The following FADS2 variants were observed in gnomAD, a reference collection of about 807,000 sequenced individuals.
FADS2 encodes acyl-CoA 6-desaturase.
In FADS2, 18 loss-of-function variants were observed where a neutral mutation model predicts 61.2. The observed-to-expected ratio is 0.29, with a 90% CI of 0.20 to 0.44. The LOEUF is 0.44. Among genes scored for constraint, FADS2 ranks in the 20% least tolerant of loss-of-function variants. The pLI is 1.00. For missense variants in FADS2, 322 were observed against 572.7 expected, an observed-to-expected ratio of 0.56 and a Z score of 4.47; for synonymous variants, 203 against 223.9, an observed-to-expected ratio of 0.91 and a Z score of 0.83.
chr11:61,818,746 G>C (rs957332179), intron 1 of FADS2, among the ~76,000 whole-genome samples: 2 of 152,228 alleles, frequency 1.3e-5, no homozygotes, highest in African/African-American at 4.8e-5. Flanking sequence ...TAACAGAAGA[G>C]AGGTCCTTTA....
At position 61,840,452 on chromosome 11, in the gene FADS2, T is replaced by C. The variant is rs2067209351; in HGVS notation, c.437T>C (p.Ile146Thr). ...GCCCACATCATCGCCCTGGAGAGCA[T>C]TGCATGGTTCACTGTCTTTTACTTT... is the stretch of plus-strand genomic sequence containing the variant. ...LLAHIIALES[I>T]AWFTVFYFGN... is the part of the protein sequence containing the mutation. The change falls in exon 3 of 12, where the codon ATT (isoleucine) becomes ACT (threonine). Residue 146 changes from isoleucine (I) to threonine (T), a missense_variant. Ile to Thr is a moderately conservative substitution (Grantham distance 89, BLOSUM62 -1). Around this residue, in one of 3 missense-constraint regions of FADS2, gnomAD observed 221 missense variants for 427.9 expected, o/e 0.52. Transcript: ENST00000278840. 1.2e-6 allele frequency: 2 copies of C among 1,614,184 alleles called. No individual in the cohort carries two copies. Among genetic ancestry groups the C allele is most frequent in the East Asian group, 2.2e-5 (1 of 44,886 alleles).
At chr11:61,834,987 C>G (rs1470787105) in intron 1 of FADS2, among the ~76,000 whole-genome samples, 1 of 113,436 alleles carries the variant, frequency 8.8e-6, no homozygotes, top group Non-Finnish European at 1.9e-5. Flanking sequence ...GCCTGCCCCC[C>G]CACCCCAGCC....
intron 6 of FADS2, 29 bp downstream of exon 6, chr11:61,857,100 T>G (rs750521436): frequency 1.9e-6 from 3 of 1,595,652 alleles, no homozygotes; most frequent in Non-Finnish European, 2.6e-6. Flanking sequence ...GAAATCACTC[T>G]GGGACCCTCC....
At chr11:61,820,604 A>C (rs1045483160) in intron 1 of FADS2, among the ~76,000 whole-genome samples, 1 of 152,058 alleles carries the variant, frequency 6.6e-6, no homozygotes, top group African/African-American at 2.4e-5. Flanking sequence ...AATCCCACAT[A>C]AATTTGCTGA....
rs1403263930 is a variant in FADS2 at position 61,865,072 on chromosome 11, T to G, written c.1158-80T>G. ...GGGTCTCTGAGGGCCCCAGCCAGCC[T>G]CTGCCCAGGTGGTGGGAGGAAGCGG... On this transcript the variant is annotated intron_variant, in intron 10 of 11. Coordinates refer to ENST00000278840, the MANE Select transcript of FADS2 (RefSeq NM_004265.4). This position sits in a 1 kb window ranked among gnomAD's most constrained non-coding sequence, Gnocchi z 4.1. The G allele has an allele frequency of 5.9e-6, 9 of 1,531,346 alleles. No homozygotes were observed. The Admixed American group carries it at 1.6e-4, about 27-fold the overall frequency. 94.9% of individuals were successfully genotyped at this position (1,531,346 alleles called of 1,614,324 possible). A position where few individuals can be genotyped will look rare whatever the true frequency, so the allele number is the denominator to read the frequency against.
In FADS2 at chr11:61,816,590, G is replaced by T. The variant is rs761717618; in HGVS notation, c.141+164G>T. 1.2e-6 allele frequency: 2 copies of T among 1,609,486 alleles called. No homozygotes were observed. The highest frequency in any genetic ancestry group is 2.2e-5 in the East Asian group (1 of 44,696). ...TGCCCGGCGTAGTGGCTGATGACCC[G>T]GGAGCCCCCTGGATGCCGGCGGGTG... On this transcript the variant is annotated intron_variant, in intron 1 of 11. Coordinates refer to the FADS2 transcript ENST00000257261. This position sits in a 1 kb window ranked among gnomAD's most constrained non-coding sequence, Gnocchi z 7.0.
chr11:61,834,348 G>T (rs912677496), intron 1 of FADS2, among the ~76,000 whole-genome samples: 1 of 152,246 alleles, frequency 6.6e-6, no homozygotes. Context: ...ATTTGATCCT[G>T]GCTCTGCCAC....
In FADS2 at chr11:61,840,608, G is replaced by A. The variant is rs368344765; in HGVS notation, c.517-16G>A. ...TTGCTGAGGCTGTGACAGCACGTGT[G>A]ACCCTCTCTCCCCAGGCCCAAGCTG... On this transcript the variant is annotated splice_polypyrimidine_tract_variant and intron_variant, in intron 3 of 11. Coordinates refer to ENST00000278840, the MANE Select transcript of FADS2 (RefSeq NM_004265.4). 1 of 1,613,776 alleles carries A rather than the reference G, an allele frequency of 6.2e-7. No individual in the cohort carries two copies. Among genetic ancestry groups the A allele is most frequent in the African/African-American group, 1.3e-5 (1 of 74,914 alleles).
chr11:61,830,875 A>G (rs896247524), intron 1 of FADS2, among the ~76,000 whole-genome samples: 2 of 152,262 alleles, frequency 1.3e-5, no homozygotes, highest in African/African-American at 4.8e-5. Context: ...AAGAACAAGT[A>G]TTATGAAACA....
chr11:61,860,584 G>A (rs943432358), intron 7 of FADS2, among the ~76,000 whole-genome samples: 1 of 152,186 alleles, frequency 6.6e-6, no homozygotes, highest in Admixed American at 6.5e-5. Flanking sequence ...CTCTGCCCCT[G>A]AAACCAGCGA....
chr11:61,841,736 A>G (rs1429988470), intron 4 of FADS2, among the ~76,000 whole-genome samples: 1 of 152,132 alleles, frequency 6.6e-6, no homozygotes, highest in Non-Finnish European at 1.5e-5. Context: ...ATCTCAAGCC[A>G]CTTCAAATAC....
chr11:61,859,286 A>G (rs933576899), intron 7 of FADS2, among the ~76,000 whole-genome samples: 2 of 150,358 alleles, frequency 1.3e-5, no homozygotes, highest in African/African-American at 4.9e-5. Flanking sequence ...CAAACTCCCA[A>G]CCTGAGGTGA....
rs1412849203 is a variant in FADS2 at position 61,857,504 on chromosome 11, A to G, written c.856A>G (p.Thr286Ala). Residue 286 changes from threonine to alanine, a missense_variant, in exon 7 of 12, where the codon ACC becomes GCC. Around this residue, in one of 3 missense-constraint regions of FADS2, gnomAD observed 221 missense variants for 427.9 expected, o/e 0.52. Transcript: ENST00000278840. Reference protein sequence around the residue: ...PMYFQYQIIMTMIVHKNWVDL... With the variant: ...PMYFQYQIIMAMIVHKNWVDL... ...GTATTTCCAGTACCAGATCATCATG[A>G]CCATGATCGTCCATAAGAACTGGGT... The G allele has an allele frequency of 6.2e-7, 1 of 1,614,028 alleles. No individual in the cohort carries two copies. Among genetic ancestry groups the G allele is most frequent in the Non-Finnish European group, 8.5e-7 (1 of 1,179,960 alleles).
At chr11:61,848,365 T>G (rs1015002644) in intron 5 of FADS2, 81 bp downstream of exon 5, 40 of 1,595,922 alleles carry the variant, frequency 2.5e-5, no homozygotes, top group Non-Finnish European at 3.3e-5. Context: ...ACTAAGGAGA[T>G]GGTGTTGACC....
intron 1 of FADS2, among the ~76,000 whole-genome samples, chr11:61,837,503 C>T (rs1341620162): frequency 1.3e-5 from 2 of 152,200 alleles, no homozygotes; most frequent in Admixed American, 6.5e-5. Context: ...CCCGACCTGC[C>T]CAAAGGCAGC....
chr11:61,861,753 A>G (rs1275392032), intron 7 of FADS2, among the ~76,000 whole-genome samples: 1 of 152,152 alleles, frequency 6.6e-6, no homozygotes, highest in Non-Finnish European at 1.5e-5. Context: ...CCGACCCCTG[A>G]TCACCTAGGA....
At chr11:61,840,866 A>G in intron 4 of FADS2, 141 bp downstream of exon 4, 1 of 679,574 alleles carries the variant, frequency 1.5e-6, no homozygotes, top group East Asian at 2.7e-5. Flanking sequence ...GTGACTCTCC[A>G]TTCTGCTGAC....
At chr11:61,862,520 T>TCGGTGGTCGCC in intron 7 of FADS2, 1 of 183,088 alleles carries the variant, frequency 5.5e-6, no homozygotes, top group Non-Finnish European at 1.1e-5. Flanking sequence ...ATGGTACCTC[T>TCGGTGGTCGCC]GACCTTCCCT....
At position 61,816,645 on chromosome 11, in the gene FADS2, G is replaced by T; in HGVS notation, c.141+219G>T. 6.2e-7 allele frequency: 1 copy of T among 1,603,522 alleles called. No homozygotes were observed. The highest frequency in any genetic ancestry group is 1.1e-5 in the South Asian group (1 of 89,562). On this transcript the variant is annotated intron_variant, in intron 1 of 11. Transcript: ENST00000257261. The surrounding 1 kb of genome is among the most constrained non-coding windows in gnomAD (Gnocchi z 7.0). ...CGCTGATGTTGTACACCTTACGGTC[G>T]ATCACTAGCCACCGCTCCTCGCACC... is the stretch of plus-strand genomic sequence containing the variant.
Sources: allele counts gnomAD v4.1 joint callset (sites outside exome capture counted in the v4.1 genomes callset), GRCh38; gene constraint gnomAD v4.1.1; regional missense constraint gnomAD v4.1.1; non-coding constraint Gnocchi (gnomAD v3.1); transcripts MANE v1.5; gene names NCBI Gene and HGNC (gene_info 2026-07-23, HGNC 2026-07-21).